The following HSP90AB1 variants were observed in gnomAD, a reference collection of about 807,000 sequenced individuals.
The protein encoded by HSP90AB1 is heat shock protein HSP 90-beta.
Under a neutral mutation model 67.8 loss-of-function variants are expected in HSP90AB1, and 17 were observed. The observed-to-expected ratio is 0.25, with a 90% CI of 0.17 to 0.38. The LOEUF is 0.38. HSP90AB1 is among the 10% of genes least tolerant of loss of function. The pLI, the probability that HSP90AB1 is intolerant of heterozygous loss-of-function variation, is 1.00. For missense variants in HSP90AB1, 690 were observed against 899.9 expected, an observed-to-expected ratio of 0.77 and a Z score of 2.98; for synonymous variants, 390 against 312.9, an observed-to-expected ratio of 1.25 and a Z score of -2.60.
chr6:44,253,314 C>G lies in HSP90AB1; in HGVS notation c.2001C>G (p.Gly667=). 1.2e-6 allele frequency: 2 copies of G among 1,614,230 alleles called. No homozygotes were observed. Among genetic ancestry groups the G allele is most frequent in the Non-Finnish European group, 1.7e-6 (2 of 1,180,042 alleles). Residue 667 remains glycine (G), a synonymous_variant, in exon 11 of 12, where the codon GGC becomes GGG. Coordinates refer to ENST00000371646, the MANE Select transcript of HSP90AB1 (RefSeq NM_007355.4). The part of the protein sequence containing the change: ...LLFETALLSS[G]FSLEDPQTHS... ...TTGAAACCGCCCTGCTATCTTCTGG[C>G]TTTTCCCTTGAGGATCCCCAGACCC...
intron 6 of HSP90AB1, 149 bp from the exon 7 acceptor site, chr6:44,250,899 A>AT: frequency 1.4e-6 from 1 of 725,770 alleles, no homozygotes; most frequent in South Asian, 1.7e-5. Context: ...CGTGGAGGGC[A>AT]TTAAGGCTCA....
chr6:44,252,562 C>T (rs1253305432), intron 10 of HSP90AB1, among the ~76,000 whole-genome samples: 2 of 152,010 alleles, frequency 1.3e-5, no homozygotes, highest in Non-Finnish European at 2.9e-5. Context: ...GTGGCACGAT[C>T]TCTGCTCATT....
intron 1 of HSP90AB1, among the ~76,000 whole-genome samples, chr6:44,248,335 A>G (rs781666052): frequency 7.2e-5 from 11 of 152,226 alleles, no homozygotes; most frequent in Non-Finnish European, 1.5e-4. Context: ...TTTCTGCCAT[A>G]CTACCAGATG....
chr6:44,250,114 A>G lies in HSP90AB1; in HGVS notation c.608A>G (p.Lys203Arg). 15 of 1,614,218 alleles carry G rather than the reference A, an allele frequency of 9.3e-6. No individual in the cohort carries two copies. The highest frequency in any genetic ancestry group is 1.3e-5 in the Non-Finnish European group (15 of 1,180,028). The change falls in exon 5 of 12, where the codon AAG becomes AGG. Residue 203 changes from lysine (K) to arginine (R), a missense_variant. Lys to Arg is a conservative substitution (Grantham distance 26). Coordinates refer to ENST00000371646, the MANE Select transcript of HSP90AB1 (RefSeq NM_007355.4). The part of the protein sequence containing the change: ...LEERRVKEVV[K>R]KHSQFIGYPI... ...GAGAGGCGGGTCAAAGAAGTAGTGA[A>G]GAAGCATTCTCAGTTCATAGGCTAT...
At chr6:44,249,293 C>T in intron 2 of HSP90AB1, 84 bp from the exon 3 acceptor site, 2 of 1,126,814 alleles carry the variant, frequency 1.8e-6, no homozygotes, top group South Asian at 1.3e-5. Context: ...GAGCTGTCAT[C>T]CTTGCCACTG....
At position 44,250,033 on chromosome 6, in the gene HSP90AB1, G is replaced by T. The variant is rs1332815037; in HGVS notation, c.527G>T (p.Gly176Val). 4 of 1,614,034 alleles carry T rather than the reference G, an allele frequency of 2.5e-6. No individual in the cohort carries two copies. Among genetic ancestry groups the T allele is most frequent in the Non-Finnish European group, 3.4e-6 (4 of 1,180,006 alleles). Residue 176 changes from glycine to valine, a missense_variant, in exon 5 of 12, where the codon GGC (glycine) becomes GTC (valine). Coordinates refer to ENST00000371646, the MANE Select transcript of HSP90AB1 (RefSeq NM_007355.4). ...TVRADHGEPI[G>V]RGTKVILHLK... The stretch of plus-strand genomic sequence containing the variant: ...TTGACTCTTCTAGGTGAGCCCATTG[G>T]CAGGGGTACCAAAGTGATCCTCCAT...
rs781563737 is a variant in HSP90AB1 at position 44,253,116 on chromosome 6, T to C, written c.1803T>C (p.Asn601=). ...IVTSTYGWTA[N]MERIMKAQAL... Reference sequence around the variant, plus strand: ...CCAGCACCTACGGCTGGACAGCCAATATGGAGCGGATCATGAAAGCCCAGG... The same window carrying C: ...CCAGCACCTACGGCTGGACAGCCAACATGGAGCGGATCATGAAAGCCCAGG... Residue 601 remains asparagine (N), a synonymous_variant, in exon 11 of 12, where the codon AAT becomes AAC. Transcript: ENST00000371646. 1.9e-6 allele frequency: 3 copies of C among 1,614,132 alleles called. No individual in the cohort carries two copies. The highest frequency in any genetic ancestry group is 2.2e-5 in the East Asian group (1 of 44,882).
At position 44,249,740 on chromosome 6, in the gene HSP90AB1, A is replaced by C; in HGVS notation, c.420A>C (p.Ala140=). Residue 140 remains alanine (A), a synonymous_variant, in exon 4 of 12, where the codon GCA becomes GCC. Transcript: ENST00000371646. ...GVGFYSAYLV[A]EKVVVITKHN... is the part of the protein sequence containing the mutation. The stretch of plus-strand genomic sequence containing the variant: ...GCTTTTATTCTGCCTACTTGGTGGC[A>C]GAGAAAGTGGTTGTGATCACAAAGC... The C allele has an allele frequency of 3.7e-6, 6 of 1,614,096 alleles. No homozygotes were observed. The highest frequency in any genetic ancestry group is 5.1e-6 in the Non-Finnish European group (6 of 1,179,988).
chr6:44,246,678 G>C (rs781000471), upstream of HSP90AB1, among the ~76,000 whole-genome samples: 1 of 152,190 alleles, frequency 6.6e-6, no homozygotes, highest in Non-Finnish European at 1.5e-5. Context: ...CAGATGCTAG[G>C]AAGAAGATTG....
upstream of HSP90AB1, chr6:44,246,269 G>T (rs1162149544): frequency 6.6e-6 from 1 of 152,310 alleles, no homozygotes; most frequent in Non-Finnish European, 1.5e-5. Flanking sequence ...CGCGGGGAAG[G>T]AGGGGTCAGC....
intron 10 of HSP90AB1, among the ~76,000 whole-genome samples, chr6:44,252,720 T>C (rs1457055549): frequency 1.3e-5 from 2 of 152,012 alleles, no homozygotes; most frequent in Non-Finnish European, 2.9e-5. Context: ...ATGGTCTCCA[T>C]CTCCTGACCT....
At chr6:44,252,313 T>A (rs1301784070) in intron 10 of HSP90AB1, 46 bp downstream of exon 10, 1 of 1,563,282 alleles carries the variant, frequency 6.4e-7, no homozygotes, top group Non-Finnish European at 8.7e-7. Flanking sequence ...ATCTTCGAGG[T>A]GGGCTCCCTC....
In HSP90AB1 at chr6:44,250,616, C is replaced by T. The variant is rs2153320017; in HGVS notation, c.957+17C>T. On this transcript the variant is annotated intron_variant, in intron 6 of 11. Transcript: ENST00000371646. ...GCAGTCAAGGTGTGAGAAGCCTTTG[C>T]ATGTTGGCTCAACATGCACATATGG... The T allele has an allele frequency of 7.1e-7, 1 of 1,402,930 alleles. No individual in the cohort carries two copies. The highest frequency in any genetic ancestry group is 1.0e-6 in the Non-Finnish European group (1 of 993,278). 86.9% of individuals were successfully genotyped at this position (1,402,930 alleles called of 1,614,324 possible).
Position 44,251,790 on chromosome 6 carries a change from C to T in HSP90AB1, c.1368C>T (p.Arg456=). 2 of 1,613,396 alleles carry T rather than the reference C, an allele frequency of 1.2e-6. No individual in the cohort carries two copies. Among genetic ancestry groups the T allele is most frequent in the Non-Finnish European group, 1.7e-6 (2 of 1,180,030 alleles). ...GCCGCCGCCTGTCTGAGCTGCTGCG[C>T]TATCATACCTCCCAGTCTGGAGATG... is the stretch of plus-strand genomic sequence containing the variant. ...TNRRRLSELL[R]YHTSQSGDEM... The change falls in exon 9 of 12, where the codon CGC becomes CGT. Residue 456 remains arginine (R), a synonymous_variant. Coordinates refer to ENST00000371646, the MANE Select transcript of HSP90AB1 (RefSeq NM_007355.4).
intron 1 of HSP90AB1, among the ~76,000 whole-genome samples, chr6:44,247,557 G>C (rs777926442): frequency 6.6e-6 from 1 of 152,232 alleles, no homozygotes; most frequent in East Asian, 1.9e-4. Context: ...GGGACCGCAG[G>C]GTGGCGGGGG....
In HSP90AB1 at chr6:44,250,000, G is replaced by A. The variant is rs757926704; in HGVS notation, c.515-21G>A. 21 of 1,613,566 alleles carry A rather than the reference G, an allele frequency of 1.3e-5. No homozygotes were observed. The East Asian group carries it at 3.6e-4, about 27-fold the overall frequency. Reference sequence around the variant, plus strand: ...GCATATACTTTTTACCCTGTTACACGCTTGTAATTGACTCTTCTAGGTGAG... The same window carrying A: ...GCATATACTTTTTACCCTGTTACACACTTGTAATTGACTCTTCTAGGTGAG... On this transcript the variant is annotated intron_variant, in intron 4 of 11. Coordinates refer to ENST00000371646, the MANE Select transcript of HSP90AB1 (RefSeq NM_007355.4).
intron 8 of HSP90AB1, 24 bp downstream of exon 8, chr6:44,251,632 T>TA: frequency 6.3e-7 from 1 of 1,591,288 alleles, no homozygotes; most frequent in Non-Finnish European, 8.6e-7. Flanking sequence ...TAATGCTTAT[T>TA]CCCTTTACCA....
rs1043874096 is a variant in HSP90AB1, at chr6:44,252,989, C to G, written c.1732-56C>G. 8 of 1,444,388 alleles carry G rather than the reference C, an allele frequency of 5.5e-6. No homozygotes were observed. The African/African-American group carries it at 8.4e-5, about 15-fold the overall frequency. 89.5% of individuals were successfully genotyped at this position (1,444,388 alleles called of 1,614,324 possible). On this transcript the variant is annotated intron_variant, in intron 10 of 11. Coordinates refer to ENST00000371646, the MANE Select transcript of HSP90AB1 (RefSeq NM_007355.4). ...CTGCTGGAATTAGGCTTGACAATGC[C>G]TGTTTTCTCTTTCAAAGTGGTAATG...
In HSP90AB1 at chr6:44,250,444, A is replaced by G; in HGVS notation, c.802A>G (p.Lys268Glu). 1 of 1,614,052 alleles carries G rather than the reference A, an allele frequency of 6.2e-7. No homozygotes were observed. The highest frequency in any genetic ancestry group is 1.1e-5 in the South Asian group (1 of 91,086). Residue 268 changes from lysine (K) to glutamate (E), a missense_variant, in exon 6 of 12, where the codon AAA becomes GAA. Coordinates refer to ENST00000371646, the MANE Select transcript of HSP90AB1 (RefSeq NM_007355.4). The part of the protein sequence containing the change: ...EDDSGKDKKK[K>E]TKKIKEKYID... The stretch of plus-strand genomic sequence containing the variant: ...TGACAGCGGTAAGGATAAGAAGAAG[A>G]AAACTAAGAAGATCAAAGAGAAATA...
Sources: allele counts gnomAD v4.1 joint callset (sites outside exome capture counted in the v4.1 genomes callset), GRCh38; gene constraint gnomAD v4.1.1; transcripts MANE v1.5; gene names NCBI Gene and HGNC (gene_info 2026-07-23, HGNC 2026-07-21).